TMPRSS15: variants seen among roughly 807,000 people sequenced by gnomAD.
TMPRSS15 encodes the protein enteropeptidase.
Under a neutral mutation model 125.3 loss-of-function variants are expected in TMPRSS15, and 128 were observed. The ratio of observed to expected loss-of-function variants is 1.02; its 90% confidence interval spans 0.89 to 1.18. The LOEUF is 1.18. TMPRSS15 is among the 50% of genes most tolerant of loss of function. The pLI is 0.00. For missense variants in TMPRSS15, 1,283 were observed against 1,212.7 expected (o/e 1.06, Z -0.86); for synonymous variants, 446 against 423.2 (o/e 1.05, Z -0.66).
intron 1 of TMPRSS15, among the ~76,000 whole-genome samples, chr21:18,484,785 A>T (rs575236023): frequency 1.3e-5 from 2 of 151,884 alleles, no homozygotes; most frequent in African/African-American, 4.8e-5. Flanking sequence ...TTTCTTCCAT[A>T]ATTACCTAGC....
In TMPRSS15 at chr21:18,313,083, GAC is replaced by G. The variant is rs2075118800; in HGVS notation, c.2033-8_2033-7del. ...TGTGCCATTGAAAAAACGCACTAAA[GAC>G]ACAGAGAGCATAATGGTAGTTACCA... On this transcript the variant is annotated splice_region_variant and splice_polypyrimidine_tract_variant and intron_variant, in intron 17 of 24. Coordinates refer to ENST00000284885, the MANE Select transcript of TMPRSS15 (RefSeq NM_002772.3). 6.2e-7 allele frequency: 1 copy of G among 1,605,928 alleles called. No individual in the cohort carries two copies. The highest frequency in any genetic ancestry group is 2.2e-5 in the East Asian group (1 of 44,812).
intron 20 of TMPRSS15, 70 bp from the exon 21 acceptor site, chr21:18,294,514 G>A: frequency 1.2e-6 from 2 of 1,602,424 alleles, no homozygotes; most frequent in Non-Finnish European, 1.7e-6. Context: ...AAAATTGAGT[G>A]GTAACAAAAT....
chr21:18,364,765 G>C (rs2075709954), intron 7 of TMPRSS15, among the ~76,000 whole-genome samples: 1 of 152,130 alleles, frequency 6.6e-6, no homozygotes, highest in Non-Finnish European at 1.5e-5. Flanking sequence ...CACATGGTAA[G>C]CAGCAAAATG....
At chr21:18,382,445 A>T (rs951103107) in intron 4 of TMPRSS15, among the ~76,000 whole-genome samples, 1 of 151,910 alleles carries the variant, frequency 6.6e-6, no homozygotes, top group African/African-American at 2.4e-5. Context: ...AGGAGACTCA[A>T]TCAAAGAGGA....
At chr21:18,452,977 A>G (rs1237661367) in intron 1 of TMPRSS15, among the ~76,000 whole-genome samples, 2 of 152,176 alleles carry the variant, frequency 1.3e-5, no homozygotes. Context: ...TACCATCTTA[A>G]CAAAGTTTGA....
chr21:18,305,112 C>T (rs2075016986), intron 18 of TMPRSS15, among the ~76,000 whole-genome samples: 1 of 151,224 alleles, frequency 6.6e-6, no homozygotes, highest in African/African-American at 2.4e-5. Flanking sequence ...AAATCACAGA[C>T]TGCTGGGCCT....
chr21:18,343,150 G>C (rs899462767), intron 12 of TMPRSS15, among the ~76,000 whole-genome samples: 1 of 152,158 alleles, frequency 6.6e-6, no homozygotes, highest in Non-Finnish European at 1.5e-5. Flanking sequence ...GACCTAGGTG[G>C]TATTTGTGAA....
intron 13 of TMPRSS15, among the ~76,000 whole-genome samples, chr21:18,332,624 G>A (rs1004629750): frequency 2.0e-5 from 3 of 152,146 alleles, no homozygotes; most frequent in African/African-American, 7.2e-5. Context: ...GGGAAAAAAT[G>A]AACACTTATA....
chr21:18,390,277 C>T (rs2075979838), intron 3 of TMPRSS15, among the ~76,000 whole-genome samples: 1 of 152,010 alleles, frequency 6.6e-6, no homozygotes, highest in Non-Finnish European at 1.5e-5. Flanking sequence ...TTTCTTGTAA[C>T]AAAAAGTTAA....
intron 3 of TMPRSS15, among the ~76,000 whole-genome samples, chr21:18,385,669 C>T (rs1205935524): frequency 2.0e-5 from 3 of 152,128 alleles, no homozygotes; most frequent in Non-Finnish European, 4.4e-5. Flanking sequence ...TACCCAAAGC[C>T]CTGACTATGT....
chr21:18,278,897 T>TATG, intron 23 of TMPRSS15, 67 bp downstream of exon 23: 1 of 850,570 alleles, frequency 1.2e-6, no homozygotes, highest in Non-Finnish European at 1.9e-6. Flanking sequence ...CACAGGATAT[T>TATG]ATGACAGTCT....
chr21:18,418,200 C>T (rs542986923), intron 1 of TMPRSS15, among the ~76,000 whole-genome samples: 1 of 152,332 alleles, frequency 6.6e-6, no homozygotes, highest in East Asian at 1.9e-4. Context: ...TACTTTAATG[C>T]TTGCTACTAG....
chr21:18,294,751 C>T lies in TMPRSS15; in HGVS notation c.2262-99G>A, dbSNP rs149653614. 3.4e-4 allele frequency: 350 copies of T among 1,016,404 alleles called. 6 individuals carry two copies. In the East Asian group the frequency reaches 7.1e-3, roughly 21 times the overall value. The allele number at this position is 1,016,404 out of a possible 1,614,324, so 63.0% of individuals were successfully genotyped here. A position where few individuals can be genotyped will look rare whatever the true frequency, so the allele number is the denominator to read the frequency against. ...CCTACTTTTGCTTTAGTAAAATGGA[C>T]ATCTTAATGTCTCATATATGAAATG... is the stretch of plus-strand genomic sequence containing the variant. On this transcript the variant is annotated intron_variant, in intron 19 of 24. Coordinates refer to ENST00000284885, the MANE Select transcript of TMPRSS15 (RefSeq NM_002772.3).
chr21:18,294,437 T>C lies in TMPRSS15; in HGVS notation c.2319A>G (p.Gly773=), dbSNP rs764696101. 42 of 1,614,116 alleles carry C rather than the reference T, an allele frequency of 2.6e-5. No homozygotes were observed. Among genetic ancestry groups the C allele is most frequent in the Non-Finnish European group, 3.3e-5 (39 of 1,180,042 alleles). The change falls in exon 21 of 25, where the codon GGA becomes GGG. Residue 773 remains glycine, a synonymous_variant. Coordinates refer to ENST00000284885, the MANE Select transcript of TMPRSS15 (RefSeq NM_002772.3). ...IRLQCNHKSC[G]KKLAAQDITP... is the part of the protein sequence containing the mutation. ...TGATGTCTTGAGCTGCCAGTTTTTTTCCACAAGCTATTAAAATAATTGGAG... is the reference window on the plus strand; with the variant it reads ...TGATGTCTTGAGCTGCCAGTTTTTTCCCACAAGCTATTAAAATAATTGGAG...
chr21:18,352,074 G>GTTT lies in TMPRSS15; in HGVS notation c.1171+826_1171+828dup, dbSNP rs147684081. ...TTATATAAATTCACAACTTTTCACT[G>GTTT]TTTTTTTGTAATTTTCCTTATACAT... On this transcript the variant is annotated intron_variant, in intron 10 of 24. Coordinates refer to ENST00000284885, the MANE Select transcript of TMPRSS15 (RefSeq NM_002772.3). Among the ~76,000 whole-genome samples, 1,349 of 151,472 alleles carry GTTT rather than the reference G, an allele frequency of 8.9e-3. 14 individuals are homozygous for GTTT. Among genetic ancestry groups the GTTT allele is most frequent in the African/African-American group, 0.029 (1,205 of 41,324 alleles).
intron 1 of TMPRSS15, among the ~76,000 whole-genome samples, chr21:18,469,184 T>C (rs2039992099): frequency 1.3e-5 from 2 of 152,160 alleles, no homozygotes; most frequent in African/African-American, 2.4e-5. Context: ...AGAGGGCATG[T>C]ATATTATAGA....
chr21:18,293,790 C>T (rs1468986366), intron 21 of TMPRSS15, among the ~76,000 whole-genome samples: 1 of 152,150 alleles, frequency 6.6e-6, no homozygotes, highest in African/African-American at 2.4e-5. Context: ...GAACTAAATA[C>T]TTTTATCTTA....
chr21:18,284,083 C>T (rs894812166), intron 21 of TMPRSS15, among the ~76,000 whole-genome samples: 1 of 152,062 alleles, frequency 6.6e-6, no homozygotes, highest in African/African-American at 2.4e-5. Flanking sequence ...TAGAAAATAG[C>T]CTCTCTTTCA....
intron 16 of TMPRSS15, 27 bp downstream of exon 16, chr21:18,326,405 T>C: frequency 6.2e-7 from 1 of 1,614,076 alleles, no homozygotes; most frequent in South Asian, 1.1e-5. Flanking sequence ...AAAGTTATGA[T>C]GCAATGTGTG....
Sources: allele counts gnomAD v4.1 joint callset (sites outside exome capture counted in the v4.1 genomes callset), GRCh38; gene constraint gnomAD v4.1.1; transcripts MANE v1.5; gene names NCBI Gene and HGNC (gene_info 2026-07-23, HGNC 2026-07-21).